The following CD38 variants were observed in gnomAD, a reference collection of about 807,000 sequenced individuals.
CD38 encodes the protein CD38 molecule.
A neutral mutation model predicts 36.3 loss-of-function variants in CD38; 31 were observed. The observed-to-expected ratio is 0.85, with a 90% CI of 0.64 to 1.15. CD38 has a LOEUF of 1.15. Among genes scored for constraint, CD38 ranks in the 50% most tolerant of loss-of-function variants. CD38 has a pLI of 0.00. For missense variants in CD38, 380 were observed against 371.9 expected (o/e 1.02, Z -0.18); for synonymous variants, 131 against 135.2 (o/e 0.97, Z 0.22).
chr4:15,807,764 T>G (rs1160695496), intron 1 of CD38, among the ~76,000 whole-genome samples: 1 of 152,206 alleles, frequency 6.6e-6, no homozygotes, highest in African/African-American at 2.4e-5. Context: ...TGAAAATATT[T>G]GCTAAAACAA....
rs563346697 is a variant in CD38, at chr4:15,836,384, G to A, written c.586-1708G>A. 3.3e-5 allele frequency among the ~76,000 whole-genome samples: 5 copies of A among 152,258 alleles called. No individual in the cohort carries two copies. In the South Asian group the frequency reaches 1.0e-3, roughly 32 times the overall value. On this transcript the variant is annotated intron_variant, in intron 4 of 7. Coordinates refer to ENST00000226279, the MANE Select transcript of CD38 (RefSeq NM_001775.4). ...CATTCATGAGGGCAGAACCCTTAGG[G>A]CCCAATTATCTCCTAAAGGACTCAC...
chr4:15,815,886 T>C (rs183076736), intron 1 of CD38, among the ~76,000 whole-genome samples: 7 of 152,348 alleles, frequency 4.6e-5, no homozygotes, highest in Admixed American at 3.3e-4. Flanking sequence ...TTTAGTATGA[T>C]ATGGGCTATG....
rs377443348 is a variant in CD38, at chr4:15,797,822, C to T, written c.234-18689C>T. On this transcript the variant is annotated intron_variant, in intron 1 of 7. Coordinates refer to ENST00000226279, the MANE Select transcript of CD38 (RefSeq NM_001775.4). ...GTTTGTCTCTATGCCCAAATTTCCC[C>T]TTTTCATAAGGACCCAGTCGTATGG... Among the ~76,000 whole-genome samples, 15 of 152,202 alleles carry T rather than the reference C, an allele frequency of 9.9e-5. No individual in the cohort carries two copies. The East Asian group carries it at 1.4e-3, about 14-fold the overall frequency.
intron 1 of CD38, among the ~76,000 whole-genome samples, chr4:15,787,575 AC>A (rs1342587555): frequency 6.6e-6 from 1 of 152,228 alleles, no homozygotes; most frequent in African/African-American, 2.4e-5. Context: ...TTAGGGAGTC[AC>A]GACGCCTTGT....
chr4:15,840,674 T>C lies in CD38; in HGVS notation c.839+136T>C, dbSNP rs76420125. On this transcript the variant is annotated intron_variant, in intron 7 of 7. Coordinates refer to ENST00000226279, the MANE Select transcript of CD38 (RefSeq NM_001775.4). Reference sequence around the variant, plus strand: ...TTGATGATGATCACAGATGGCAACCTCTGGTGATCTCTGTCCCTCCTTCCA... The same window carrying C: ...TTGATGATGATCACAGATGGCAACCCCTGGTGATCTCTGTCCCTCCTTCCA... The C allele has an allele frequency of 1.7e-3, 998 of 600,316 alleles. 6 individuals are homozygous for C. The African/African-American group carries it at 0.017, about 10-fold the overall frequency. 37.2% of individuals were successfully genotyped at this position (600,316 alleles called of 1,614,324 possible).
intron 1 of CD38, among the ~76,000 whole-genome samples, chr4:15,806,873 G>A (rs536000132): frequency 6.6e-6 from 1 of 152,338 alleles, no homozygotes; most frequent in South Asian, 2.1e-4. Context: ...AGCCTTCTAG[G>A]TAAACTTTCA....
intron 2 of CD38, among the ~76,000 whole-genome samples, chr4:15,822,099 T>C (rs1405388920): frequency 4.6e-5 from 7 of 152,168 alleles, no homozygotes; most frequent in African/African-American, 1.7e-4. Flanking sequence ...AACCACATGA[T>C]TATCTCAATA....
chr4:15,799,290 T>C (rs1723166145), intron 1 of CD38, among the ~76,000 whole-genome samples: 1 of 152,198 alleles, frequency 6.6e-6, no homozygotes, highest in Non-Finnish European at 1.5e-5. Flanking sequence ...GGTTTTCTGA[T>C]GCCACTTCTG....
At chr4:15,826,772 G>T (rs896434591) in intron 3 of CD38, among the ~76,000 whole-genome samples, 2 of 151,898 alleles carry the variant, frequency 1.3e-5, no homozygotes, top group Non-Finnish European at 2.9e-5. Context: ...AAAAAAGAAT[G>T]TATATGAGAT....
chr4:15,837,228 C>T (rs1158979646), intron 4 of CD38, among the ~76,000 whole-genome samples: 2 of 152,178 alleles, frequency 1.3e-5, no homozygotes, highest in Non-Finnish European at 1.5e-5. Flanking sequence ...TGATTGAAGG[C>T]GTCCTGCCCT....
chr4:15,817,343 C>T (rs1723623813), intron 2 of CD38, among the ~76,000 whole-genome samples: 2 of 152,178 alleles, frequency 1.3e-5, no homozygotes, highest in African/African-American at 4.8e-5. Context: ...ATTCCATGTG[C>T]CTAAAATTTT....
chr4:15,839,040 G>A lies in CD38; in HGVS notation c.659+875G>A, dbSNP rs577388417. 4.6e-5 allele frequency among the ~76,000 whole-genome samples: 7 copies of A among 152,168 alleles called. No homozygotes were observed. In the South Asian group the frequency reaches 1.5e-3, roughly 32 times the overall value. On this transcript the variant is annotated intron_variant, in intron 5 of 7. Transcript: ENST00000226279. Reference sequence around the variant, plus strand: ...ATTTTTGTTCTCTAATCCCACATAAGGCTGACTGAAAGGAGGAAGCATATA... The same window carrying A: ...ATTTTTGTTCTCTAATCCCACATAAAGCTGACTGAAAGGAGGAAGCATATA...
intron 1 of CD38, among the ~76,000 whole-genome samples, chr4:15,799,985 G>T (rs1215201030): frequency 1.3e-5 from 2 of 152,226 alleles, no homozygotes; most frequent in South Asian, 4.1e-4. Flanking sequence ...TTCCCTTCAG[G>T]TGCACTAAAA....
At chr4:15,840,583 T>C in intron 7 of CD38, 45 bp downstream of exon 7, 1 of 1,156,742 alleles carries the variant, frequency 8.6e-7, no homozygotes, top group Non-Finnish European at 1.3e-6. Flanking sequence ...TCTTGTCACC[T>C]GTAGAATTTC....
chr4:15,791,571 G>GT (rs1722991401), intron 1 of CD38, among the ~76,000 whole-genome samples: 1 of 95,908 alleles, frequency 1.0e-5, no homozygotes, highest in Non-Finnish European at 2.0e-5. Flanking sequence ...CGTCCGGGAG[G>GT]GAGGTGGGGG....
In CD38 at chr4:15,778,670, C is replaced by T. The variant is rs1048619656; in HGVS notation, c.233+23C>T. On this transcript the variant is annotated intron_variant, in intron 1 of 7. Coordinates refer to ENST00000226279, the MANE Select transcript of CD38 (RefSeq NM_001775.4). The surrounding 1 kb of genome is among the most constrained non-coding windows in gnomAD (Gnocchi z 4.9). ...GAGGTGGGTTGGCGACTAAGGCGCA[C>T]CGGTGGGCACTGCGGGGACAGCAGG... 7.2e-6 allele frequency: 11 copies of T among 1,518,772 alleles called. No individual in the cohort carries two copies. The highest frequency in any genetic ancestry group is 1.8e-6 in the Non-Finnish European group (2 of 1,095,020). The allele number at this position is 1,518,772 out of a possible 1,614,324, so 94.1% of individuals were successfully genotyped here.
intron 2 of CD38, among the ~76,000 whole-genome samples, chr4:15,819,004 C>T (rs959665762): frequency 6.6e-6 from 1 of 151,200 alleles, no homozygotes; most frequent in East Asian, 2.0e-4. Context: ...GGGCTGAGGC[C>T]CCTAAAAAGA....
intron 3 of CD38, 54 bp downstream of exon 3, chr4:15,825,070 G>C: frequency 6.5e-7 from 1 of 1,542,390 alleles, no homozygotes; most frequent in Non-Finnish European, 8.8e-7. Context: ...TGAACAGAGT[G>C]ACTTCTGCTG....
At chr4:15,824,823 A>C in intron 2 of CD38, 58 bp from the exon 3 acceptor site, 2 of 1,397,610 alleles carry the variant, frequency 1.4e-6, no homozygotes, top group South Asian at 2.5e-5. Context: ...ACTGTGGATT[A>C]ATTTTTTTTG....
Sources: gnomAD v4.1 joint callset for allele counts (sites outside exome capture counted in the v4.1 genomes callset) on GRCh38, gnomAD v4.1.1 for gene constraint, Gnocchi (gnomAD v3.1) non-coding constraint, MANE v1.5 for transcripts, NCBI Gene and HGNC (gene_info 2026-07-23, HGNC 2026-07-21) for gene names.